ZNF284: variants seen among roughly 807,000 people sequenced by gnomAD.
The protein encoded by ZNF284 is zinc finger protein 284.
ZNF284 carries 12 observed loss-of-function variants against 12.9 expected under a neutral mutation model. That is an observed-to-expected ratio of 0.93 (90% CI 0.60 to 1.51). ZNF284 has a LOEUF of 1.51. Ranked by LOEUF, ZNF284 falls within the 40% of genes most tolerant of loss-of-function variation. The pLI, the probability that ZNF284 is intolerant of heterozygous loss-of-function variation, is 0.00. For synonymous variants in ZNF284, 225 were observed against 236.5 expected (o/e 0.95, Z 0.45); for missense variants, 667 against 707.3 (o/e 0.94, Z 0.65).
chr19:44,083,793 G>A (rs946209910), intron 4 of ZNF284, among the ~76,000 whole-genome samples: 1 of 152,120 alleles, frequency 6.6e-6, no homozygotes, highest in East Asian at 1.9e-4. Context: ...TATGTGTACC[G>A]GTGTTAGAGG....
chr19:44,076,537 C>A, intron 2 of ZNF284, 133 bp downstream of exon 2: 1 of 856,914 alleles, frequency 1.2e-6, no homozygotes. Context: ...CCAGATGCTT[C>A]CTTGTTTCTT....
chr19:44,086,434 C>G lies in ZNF284; in HGVS notation c.956C>G (p.Thr319Ser). Reference sequence around the variant, plus strand: ...CAAGAGAAATCATTTAGATGTGATACCTGTAGTAATAGCTTTGGTCAGAGA... The same window carrying G: ...CAAGAGAAATCATTTAGATGTGATAGCTGTAGTAATAGCTTTGGTCAGAGA... ...HMQEKSFRCDTCSNSFGQRSA... is the reference protein window; with the variant it reads ...HMQEKSFRCDSCSNSFGQRSA... The change falls in exon 5 of 5, where the codon ACC becomes AGC. Residue 319 changes from threonine to serine, a missense_variant. By Grantham distance (58) the Thr-to-Ser change is moderately conservative (BLOSUM62 1). Coordinates refer to ENST00000421176, the MANE Select transcript of ZNF284 (RefSeq NM_001037813.4). The G allele has an allele frequency of 1.2e-6, 2 of 1,613,972 alleles. No homozygotes were observed. Among genetic ancestry groups the G allele is most frequent in the East Asian group, 2.2e-5 (1 of 44,870 alleles).
rs1411319672 is a variant in ZNF284 at position 44,087,032 on chromosome 19, G to A, written c.1554G>A (p.Lys518=). The A allele has an allele frequency of 1.9e-6, 3 of 1,614,146 alleles. No homozygotes were observed. In the East Asian group the frequency reaches 6.7e-5, roughly 36 times the overall value. ...EKPYKCEECG[K]GFRWASTHLT... The stretch of plus-strand genomic sequence containing the variant: ...CTTACAAATGTGAGGAGTGTGGAAA[G>A]GGATTCAGATGGGCCTCAACTCATC... Residue 518 remains lysine, a synonymous_variant, in exon 5 of 5, where the codon AAG becomes AAA. Coordinates refer to ENST00000421176, the MANE Select transcript of ZNF284 (RefSeq NM_001037813.4).
Position 44,086,087 on chromosome 19 carries a change from T to A in ZNF284, c.609T>A (p.Tyr203Ter). The A allele has an allele frequency of 6.2e-7, 1 of 1,614,204 alleles. No individual in the cohort carries two copies. The highest frequency in any genetic ancestry group is 8.5e-7 in the Non-Finnish European group (1 of 1,180,026). ...HQKVHMGEKR[Y>*]KCDVCSKAFS... ...AAGTTCACATGGGAGAGAAACGCTA[T>A]AAGTGTGATGTGTGTAGTAAGGCAT... is the stretch of plus-strand genomic sequence containing the variant. Residue 203 changes from tyrosine to a stop codon, truncating the protein, a stop_gained, in exon 5 of 5, where the codon TAT becomes TAA. Coordinates refer to ENST00000421176, the MANE Select transcript of ZNF284 (RefSeq NM_001037813.4). LOFTEE classifies it low-confidence loss of function (END_TRUNC).
chr19:44,077,847 C>T (rs918489259), intron 2 of ZNF284, among the ~76,000 whole-genome samples: 6 of 152,094 alleles, frequency 3.9e-5, no homozygotes. Flanking sequence ...GGAGTGCCCT[C>T]TTGAGTGATG....
intron 4 of ZNF284, among the ~76,000 whole-genome samples, chr19:44,084,037 T>G (rs1845955323): frequency 6.6e-6 from 1 of 152,178 alleles, no homozygotes; most frequent in African/African-American, 2.4e-5. Context: ...GCATGGTACA[T>G]GCTCATGCCT....
At position 44,085,860 on chromosome 19, in the gene ZNF284, G is replaced by C. The variant is rs530544464; in HGVS notation, c.382G>C (p.Asp128His). 1 of 1,614,144 alleles carries C rather than the reference G, an allele frequency of 6.2e-7. No individual in the cohort carries two copies. The highest frequency in any genetic ancestry group is 2.2e-5 in the East Asian group (1 of 44,874). The change falls in exon 5 of 5, where the codon GAT becomes CAT. Residue 128 changes from aspartate (D) to histidine (H), a missense_variant. By Grantham distance (81) the Asp-to-His change is moderately conservative (BLOSUM62 -1). Coordinates refer to ENST00000421176, the MANE Select transcript of ZNF284 (RefSeq NM_001037813.4). ...TAGCTCTCAGTTCTCCACACAAGGT[G>C]ATGTCCCCTCCCAGGTTGACGCAGG... ...ISSSQFSTQG[D>H]VPSQVDAGLS...
chr19:44,077,071 C>T (rs915640140), intron 2 of ZNF284, among the ~76,000 whole-genome samples: 4 of 152,160 alleles, frequency 2.6e-5, no homozygotes, highest in South Asian at 2.1e-4. Flanking sequence ...CTGCCTGCCT[C>T]AGCCTCCCAA....
At chr19:44,077,578 G>A (rs889299961) in intron 2 of ZNF284, among the ~76,000 whole-genome samples, 7 of 128,030 alleles carry the variant, frequency 5.5e-5, no homozygotes. Flanking sequence ...AGTTTTGGTA[G>A]CTTTAGTTTC....
At position 44,087,592 on chromosome 19, in the gene ZNF284, C is replaced by CT. The variant is rs924151303; in HGVS notation, c.*358dup. On this transcript the variant is annotated 3_prime_UTR_variant, in exon 5 of 5. Coordinates refer to ENST00000421176, the MANE Select transcript of ZNF284 (RefSeq NM_001037813.4). Reference sequence around the variant, plus strand: ...TAATTGCTATGCCATGCTGCTTCTGCTTTTTTTTTTTTTTTTTTTTTTTTT... The same window carrying CT: ...TAATTGCTATGCCATGCTGCTTCTGCTTTTTTTTTTTTTTTTTTTTTTTTTT... The CT allele has an allele frequency of 6.3e-3, 632 of 100,248 alleles. 55 individuals carry two copies. Among genetic ancestry groups the CT allele is most frequent in the Non-Finnish European group, 8.2e-3 (436 of 53,256 alleles). The allele number at this position is 100,248 out of a possible 1,614,324, so 6.2% of individuals were successfully genotyped here. A position where few individuals can be genotyped will look rare whatever the true frequency, so the allele number is the denominator to read the frequency against.
At chr19:44,076,746 T>C (rs1397921086) in intron 2 of ZNF284, among the ~76,000 whole-genome samples, 1 of 152,112 alleles carries the variant, frequency 6.6e-6, no homozygotes, top group Admixed American at 6.6e-5. Context: ...ATTTAAATTG[T>C]GTTCTTTGTG....
chr19:44,080,329 G>T (rs532961856), intron 2 of ZNF284, among the ~76,000 whole-genome samples: 105 of 152,374 alleles, frequency 6.9e-4, no homozygotes, highest in Non-Finnish European at 1.3e-3. Context: ...GGGTGTGGTG[G>T]CTCATGCCTG....
In ZNF284 at chr19:44,086,952, T is replaced by G; in HGVS notation, c.1474T>G (p.Phe492Val). The change falls in exon 5 of 5, where the codon TTT becomes GTT. Residue 492 changes from phenylalanine to valine, a missense_variant. Phe to Val is a conservative substitution (Grantham distance 50). Transcript: ENST00000421176. ...PFKCEECGKR[F>V]TENSKLRFHQ... Reference sequence around the variant, plus strand: ...CAAATGTGAAGAGTGTGGGAAGAGGTTTACTGAGAATTCAAAACTTCGTTT... The same window carrying G: ...CAAATGTGAAGAGTGTGGGAAGAGGGTTACTGAGAATTCAAAACTTCGTTT... 6.2e-7 allele frequency: 1 copy of G among 1,613,970 alleles called. No individual in the cohort carries two copies. Among genetic ancestry groups the G allele is most frequent in the Admixed American group, 1.7e-5 (1 of 60,014 alleles).
rs776482669 is a variant in ZNF284, at chr19:44,087,225, G to A, written c.1747G>A (p.Asp583Asn). 29 of 1,583,274 alleles carry A rather than the reference G, an allele frequency of 1.8e-5. No individual in the cohort carries two copies. Among genetic ancestry groups the A allele is most frequent in the Middle Eastern group, 3.4e-4 (2 of 5,908 alleles). ...GCGCTACGAGAGGCGCTTGAATCTA[G>A]ATATGATTTTATCATTATTTTTAAA... ...GKRYERRLNL[D>N]MILSLFLNDI Residue 583 changes from aspartate (D) to asparagine (N), a missense_variant, in exon 5 of 5, where the codon GAT becomes AAT. Asp to Asn is a conservative substitution (Grantham distance 23). Transcript: ENST00000421176.
At chr19:44,074,431 AAATAGT>A (rs1452809556) in intron 1 of ZNF284, among the ~76,000 whole-genome samples, 2 of 152,132 alleles carry the variant, frequency 1.3e-5, no homozygotes, top group Non-Finnish European at 2.9e-5. Flanking sequence ...AAAATTGCAA[AAATAGT>A]GTTAGAAATT....
At chr19:44,082,826 G>A (rs1440617918) in intron 4 of ZNF284, among the ~76,000 whole-genome samples, 8 of 151,902 alleles carry the variant, frequency 5.3e-5, no homozygotes, top group Non-Finnish European at 4.4e-5. Context: ...GGTCCCTTGC[G>A]ATTGGATTGG....
intron 3 of ZNF284, 41 bp downstream of exon 3, chr19:44,081,182 G>T: frequency 6.3e-7 from 1 of 1,587,576 alleles, no homozygotes; most frequent in South Asian, 1.1e-5. Flanking sequence ...TCAGGCCCCA[G>T]GAATGGCTTT....
chr19:44,081,585 G>C (rs185068087), intron 3 of ZNF284, among the ~76,000 whole-genome samples: 1 of 152,104 alleles, frequency 6.6e-6, no homozygotes, highest in Non-Finnish European at 1.5e-5. Context: ...GGTGGCGGGC[G>C]TCTGTAGTCC....
rs1442331229 is a variant in ZNF284, at chr19:44,087,688, T to C, written c.*428T>C. On this transcript the variant is annotated 3_prime_UTR_variant, in exon 5 of 5. Transcript: ENST00000421176. ...CTCACTGCAGCCTCCACCTCCTGGG[T>C]TCAAGCGATTCTCCTGCCTAAACCT... The C allele has an allele frequency of 6.7e-6, 1 of 149,376 alleles. No individual in the cohort carries two copies. Among genetic ancestry groups the C allele is most frequent in the Non-Finnish European group, 1.5e-5 (1 of 68,730 alleles). The allele number at this position is 149,376 out of a possible 1,614,324, so 9.3% of individuals were successfully genotyped here. A position where few individuals can be genotyped will look rare whatever the true frequency, so the allele number is the denominator to read the frequency against.
Sources: gnomAD v4.1 joint callset for allele counts (sites outside exome capture counted in the v4.1 genomes callset) on GRCh38, gnomAD v4.1.1 for gene constraint, MANE v1.5 for transcripts, NCBI Gene and HGNC (gene_info 2026-07-23, HGNC 2026-07-21) for gene names.